Variants in PAX5 observed in about 807,000 individuals in gnomAD.
The protein encoded by PAX5 is paired box 5.
PAX5 carries 9 observed loss-of-function variants against 43.7 expected under a neutral mutation model. The ratio of observed to expected loss-of-function variants is 0.21; its 90% CI spans 0.12 to 0.36. PAX5 has a LOEUF of 0.36. Among genes scored for constraint, PAX5 ranks in the 10% least tolerant of loss-of-function variants. The pLI, the probability that PAX5 is intolerant of heterozygous loss-of-function variation, is 1.00. For synonymous variants in PAX5, 228 were observed against 214.3 expected (o/e 1.06, Z -0.56); for missense variants, 383 against 532.7 (o/e 0.72, Z 2.77).
intron 5 of PAX5, among the ~76,000 whole-genome samples, chr9:36,981,806 A>G (rs1453644405): frequency 6.6e-6 from 1 of 152,268 alleles, no homozygotes; most frequent in Non-Finnish European, 1.5e-5. Context: ...CTCTCAACAC[A>G]TCTGTGCAAT....
At chr9:37,026,501 G>A in intron 1 of PAX5, 1 of 1,319,472 alleles carries the variant, frequency 7.6e-7, no homozygotes, top group Non-Finnish European at 9.9e-7. Context: ...CCCGGCGGGA[G>A]AGTGAGAGAA....
intron 3 of PAX5, among the ~76,000 whole-genome samples, chr9:37,009,420 C>T (rs1402405065): frequency 6.6e-6 from 1 of 152,162 alleles, no homozygotes; most frequent in African/African-American, 2.4e-5. Context: ...ACAGTGGTAG[C>T]TACATACTAG....
At chr9:36,863,915 C>G (rs147742499) in intron 8 of PAX5, among the ~76,000 whole-genome samples, 1 of 152,176 alleles carries the variant, frequency 6.6e-6, no homozygotes, top group Admixed American at 6.5e-5. Flanking sequence ...TCAAGACCAG[C>G]CTGGCCAACA....
intron 1 of PAX5, among the ~76,000 whole-genome samples, chr9:37,025,346 A>T (rs1410454589): frequency 6.7e-6 from 1 of 149,048 alleles, no homozygotes; most frequent in Non-Finnish European, 1.5e-5. Flanking sequence ...GCTCACCTTC[A>T]CTCCAGCCGG....
At chr9:37,026,843 G>A (rs1429143343) in intron 1 of PAX5, 11 of 432,696 alleles carry the variant, frequency 2.5e-5, no homozygotes, top group Non-Finnish European at 3.1e-5. Flanking sequence ...GGCTCAAGCA[G>A]CAGCTCCGGG....
chr9:36,909,130 A>G (rs915074319), intron 7 of PAX5, among the ~76,000 whole-genome samples: 3 of 152,240 alleles, frequency 2.0e-5, no homozygotes, highest in Non-Finnish European at 4.4e-5. Context: ...GGTTTCTAGG[A>G]ATCCAAGAAT....
chr9:36,930,626 C>T (rs1465091982), intron 6 of PAX5, among the ~76,000 whole-genome samples: 1 of 152,212 alleles, frequency 6.6e-6, no homozygotes, highest in East Asian at 1.9e-4. Flanking sequence ...CCCAGCTCTG[C>T]CCCTTTCTCA....
chr9:36,949,881 G>T (rs1049002633), intron 6 of PAX5, among the ~76,000 whole-genome samples: 1 of 152,112 alleles, frequency 6.6e-6, no homozygotes, highest in Non-Finnish European at 1.5e-5. Context: ...AGTGAAATGC[G>T]GCCATTCCTC....
At chr9:37,026,456 G>A (rs13289473) in intron 1 of PAX5, 36,143 of 1,204,084 alleles carry the variant, frequency 0.03, 605 homozygotes, top group Middle Eastern at 0.041. Context: ...TCCGGCCTTA[G>A]TACCTGACCC....
At chr9:36,966,430 T>A in intron 6 of PAX5, 119 bp downstream of exon 6, 1 of 1,088,632 alleles carries the variant, frequency 9.2e-7, no homozygotes, top group South Asian at 1.6e-5. Flanking sequence ...TGAAGAGACC[T>A]CTCTGAGCAG....
intron 6 of PAX5, among the ~76,000 whole-genome samples, chr9:36,954,893 T>C (rs985326659): frequency 2.0e-5 from 3 of 152,204 alleles, no homozygotes; most frequent in Admixed American, 1.3e-4. Context: ...CCTTTTTCTT[T>C]CATATTTCCC....
At chr9:37,019,928 T>A (rs1004658594) in intron 2 of PAX5, among the ~76,000 whole-genome samples, 2 of 152,200 alleles carry the variant, frequency 1.3e-5, no homozygotes, top group African/African-American at 4.8e-5. Flanking sequence ...TGTTTTCTCA[T>A]CTTAAAACGT....
intron 7 of PAX5, among the ~76,000 whole-genome samples, chr9:36,909,814 ATT>A (rs752114508): frequency 1.4e-4 from 13 of 91,866 alleles, no homozygotes; most frequent in East Asian, 1.1e-3. Context: ...AGACATTTTA[ATT>A]TTTTTTTTTT....
chr9:36,866,380 G>A (rs371050793), intron 8 of PAX5, among the ~76,000 whole-genome samples: 4 of 152,180 alleles, frequency 2.6e-5, no homozygotes, highest in Non-Finnish European at 5.9e-5. Flanking sequence ...GTGCCCCGGC[G>A]TACCTGCAGG....
intron 6 of PAX5, among the ~76,000 whole-genome samples, chr9:36,963,415 T>G (rs543199562): frequency 6.6e-6 from 1 of 152,182 alleles, no homozygotes; most frequent in African/African-American, 2.4e-5. Context: ...CCATTGTCCT[T>G]GATGCTCCCA....
intron 8 of PAX5, among the ~76,000 whole-genome samples, chr9:36,871,034 T>C (rs1294302314): frequency 6.6e-6 from 1 of 152,216 alleles, no homozygotes; most frequent in East Asian, 1.9e-4. Flanking sequence ...TTCTCCCTGT[T>C]TGCCCCCAAC....
At chr9:37,026,812 G>T in intron 1 of PAX5, 1 of 755,862 alleles carries the variant, frequency 1.3e-6, no homozygotes, top group Non-Finnish European at 1.6e-6. Context: ...GCCCAACTCC[G>T]GCTGGCTTCC....
At chr9:36,932,847 G>C (rs1415060501) in intron 6 of PAX5, among the ~76,000 whole-genome samples, 1 of 152,112 alleles carries the variant, frequency 6.6e-6, no homozygotes, top group African/African-American at 2.4e-5. Flanking sequence ...ATTACTCCAA[G>C]TCTACTTTGA....
chr9:36,943,068 C>G (rs1295356179), intron 6 of PAX5, among the ~76,000 whole-genome samples: 1 of 152,192 alleles, frequency 6.6e-6, no homozygotes, highest in East Asian at 1.9e-4. Context: ...CCAGTGCAGG[C>G]CCACCCTAGC....
Sources: gnomAD v4.1 joint callset for allele counts (sites outside exome capture counted in the v4.1 genomes callset) on GRCh38, gnomAD v4.1.1 for gene constraint, MANE v1.5 for transcripts, NCBI Gene and HGNC (gene_info 2026-07-23, HGNC 2026-07-21) for gene names.